The following SOCS2 variants were observed in gnomAD, a reference collection of about 807,000 sequenced individuals.
The protein encoded by SOCS2 is suppressor of cytokine signaling 2.
Under a neutral mutation model 18.6 loss-of-function variants are expected in SOCS2, and 10 were observed. The ratio of observed to expected loss-of-function variants is 0.54; its 90% confidence interval spans 0.33 to 0.91. The LOEUF (loss-of-function observed/expected upper bound fraction) is 0.91, where lower values mean the gene tolerates loss of function less well. Ranked by LOEUF, SOCS2 falls within the 40% of genes least tolerant of loss-of-function variation. The probability of loss-of-function intolerance (pLI) is 0.02; values close to 1 mark genes in which losing one functional copy is unlikely to be tolerated. For synonymous variants in SOCS2, 104 were observed against 104.0 expected, an observed-to-expected ratio of 1.00 and a Z score of 0.00; for missense variants, 231 against 247.2, an observed-to-expected ratio of 0.93 and a Z score of 0.44.
At chr12:93,586,943 G>A (rs1203945862), downstream of SOCS2, among the ~76,000 whole-genome samples, 3 of 151,974 alleles carry the variant, frequency 2.0e-5, no homozygotes, top group Non-Finnish European at 4.4e-5. Flanking sequence ...CGACACGGGT[G>A]GATCACTTGA....
the SOCS2 span, among the ~76,000 whole-genome samples, chr12:93,614,717 G>A: frequency 2.7e-5 from 4 of 150,028 alleles, no homozygotes; most frequent in South Asian, 4.2e-4. Context: ...CTGGGTTCAA[G>A]CGATTCTCCT....
rs1033197463 is a variant in SOCS2, at chr12:93,575,258, G to A, written c.*79G>A. ...TGTAAAAGAGAACCAAAACTTGAGT[G>A]CTCTGGATAACTATATGGAATGCTT... On this transcript the variant is annotated 3_prime_UTR_variant, in exon 2 of 2. Coordinates refer to ENST00000551556, the MANE Select transcript of SOCS2 (RefSeq NM_001270471.2). 2.0e-5 allele frequency: 20 copies of A among 982,618 alleles called. No individual in the cohort carries two copies. The highest frequency in any genetic ancestry group is 2.9e-5 in the Non-Finnish European group (20 of 679,532). 60.9% of individuals were successfully genotyped at this position (982,618 alleles called of 1,614,324 possible). A position where few individuals can be genotyped will look rare whatever the true frequency, so the allele number is the denominator to read the frequency against.
chr12:93,596,499 C>T, the SOCS2 span, among the ~76,000 whole-genome samples: 1 of 152,184 alleles, frequency 6.6e-6, no homozygotes, highest in South Asian at 2.1e-4. Context: ...ACCAAGAGAC[C>T]CAGGCCCATG....
At chr12:93,614,603 C>A in the SOCS2 span, among the ~76,000 whole-genome samples, 3 of 109,146 alleles carry the variant, frequency 2.7e-5, no homozygotes, top group African/African-American at 1.2e-4. Context: ...TTCTTTCTTT[C>A]TTTCTTTCTT....
At chr12:93,624,086 C>T in the SOCS2 span, among the ~76,000 whole-genome samples, 1 of 152,142 alleles carries the variant, frequency 6.6e-6, no homozygotes, top group Admixed American at 6.5e-5. Context: ...GTGAAAGCCT[C>T]ATGAATGGGA....
chr12:93,596,098 T>A, the SOCS2 span, among the ~76,000 whole-genome samples: 1 of 152,148 alleles, frequency 6.6e-6, no homozygotes. Flanking sequence ...GATAGGACAG[T>A]GTGTAGGAGA....
the SOCS2 span, among the ~76,000 whole-genome samples, chr12:93,621,736 G>C: frequency 6.6e-6 from 1 of 152,004 alleles, no homozygotes; most frequent in Non-Finnish European, 1.5e-5. Context: ...CTCCCACCTT[G>C]GCCTTCCAAA....
chr12:93,586,831 T>C (rs1243024776), downstream of SOCS2, among the ~76,000 whole-genome samples: 1 of 152,228 alleles, frequency 6.6e-6, no homozygotes, highest in Non-Finnish European at 1.5e-5. Context: ...ACTGAGCATC[T>C]ACTTGTTGTA....
the SOCS2 span, among the ~76,000 whole-genome samples, chr12:93,614,800 G>C: frequency 6.6e-6 from 1 of 151,142 alleles, no homozygotes; most frequent in African/African-American, 2.4e-5. Context: ...TTTTAGTAGG[G>C]ATGGGGTTTC....
chr12:93,614,480 T>TTCCTTTCTTTCTTTCTTTCC, the SOCS2 span, among the ~76,000 whole-genome samples: 3 of 26,134 alleles, frequency 1.1e-4, no homozygotes, highest in African/African-American at 6.6e-4. Flanking sequence ...CCTTCCTTCC[T>TTCCTTTCTTTCTTTCTTTCC]TTCCTTCCTT....
At chr12:93,610,153 A>G in the SOCS2 span, among the ~76,000 whole-genome samples, 5 of 152,158 alleles carry the variant, frequency 3.3e-5, no homozygotes, top group Non-Finnish European at 5.9e-5. Flanking sequence ...CCACCATATT[A>G]TATTAATTGT....
At chr12:93,617,629 A>G in the SOCS2 span, among the ~76,000 whole-genome samples, 3 of 152,170 alleles carry the variant, frequency 2.0e-5, no homozygotes, top group Non-Finnish European at 4.4e-5. Context: ...AAGTGGCCAT[A>G]CAGATACTCC....
the SOCS2 span, among the ~76,000 whole-genome samples, chr12:93,601,758 G>A: frequency 6.6e-6 from 1 of 152,126 alleles, no homozygotes; most frequent in Admixed American, 6.5e-5. Context: ...ATCTATATAT[G>A]GGTAAAAATT....
the SOCS2 span, among the ~76,000 whole-genome samples, chr12:93,602,306 G>A: frequency 6.6e-6 from 1 of 152,098 alleles, no homozygotes; most frequent in African/African-American, 2.4e-5. Context: ...ATGTTGCTCA[G>A]GCTGTTCTCG....
downstream of SOCS2, among the ~76,000 whole-genome samples, chr12:93,585,569 A>G (rs1954579569): frequency 6.6e-6 from 1 of 152,230 alleles, no homozygotes; most frequent in South Asian, 2.1e-4. Context: ...ACCATGCCAT[A>G]TATATCCTGC....
At chr12:93,573,255 G>A in intron 1 of SOCS2, 1 of 619,800 alleles carries the variant, frequency 1.6e-6, no homozygotes, top group Middle Eastern at 2.6e-4. Context: ...CAGAGCGCGG[G>A]AAGAGCTTCT....
At chr12:93,586,898 T>C (rs964827306), downstream of SOCS2, among the ~76,000 whole-genome samples, 3 of 152,236 alleles carry the variant, frequency 2.0e-5, no homozygotes, top group Admixed American at 2.0e-4. Flanking sequence ...CCGGGCACAG[T>C]GGCTCACACC....
exon 2 of SOCS2, chr12:93,583,402 A>G (rs1954564046): frequency 6.6e-6 from 1 of 152,220 alleles, no homozygotes; most frequent in Non-Finnish European, 1.5e-5. Flanking sequence ...GCAATTAAGA[A>G]AAAAGTAAAG....
chr12:93,615,268 G>C, the SOCS2 span, among the ~76,000 whole-genome samples: 1 of 152,198 alleles, frequency 6.6e-6, no homozygotes. Flanking sequence ...CATTCCCAGA[G>C]TCTAGTACAG....
Sources: allele counts gnomAD v4.1 joint callset (sites outside exome capture counted in the v4.1 genomes callset), GRCh38; gene constraint gnomAD v4.1.1; transcripts MANE v1.5; gene names NCBI Gene and HGNC (gene_info 2026-07-23, HGNC 2026-07-21).